The following KYNU variants were observed in gnomAD, a reference collection of about 807,000 sequenced individuals.
KYNU encodes the protein kynureninase, also known as L-kynurenine hydrolase.
Under a neutral mutation model 59.2 loss-of-function variants are expected in KYNU, and 54 were observed. That is an observed-to-expected ratio of 0.91 (90% CI 0.73 to 1.14). The LOEUF (loss-of-function observed/expected upper bound fraction) is 1.14. Among genes scored for constraint, KYNU ranks in the 50% most tolerant of loss-of-function variants. The pLI is 0.00. For synonymous variants in KYNU, 177 were observed against 192.0 expected, an observed-to-expected ratio of 0.92 and a Z score of 0.65; for missense variants, 567 against 554.4, an observed-to-expected ratio of 1.02 and a Z score of -0.23.
At chr2:143,007,665 G>C (rs1165182895) in intron 10 of KYNU, among the ~76,000 whole-genome samples, 2 of 116,394 alleles carry the variant, frequency 1.7e-5, no homozygotes, top group Non-Finnish European at 3.4e-5. Flanking sequence ...GAGAAAGGTC[G>C]GGTTACCGTC....
At chr2:142,909,205 G>A (rs1225642427) in intron 2 of KYNU, among the ~76,000 whole-genome samples, 1 of 149,348 alleles carries the variant, frequency 6.7e-6, no homozygotes, top group Non-Finnish European at 1.5e-5. Context: ...ATCCATATTT[G>A]TAGAAGATAT....
In KYNU at chr2:142,998,530, G is replaced by A. The variant is rs559596822; in HGVS notation, c.902+12509G>A. 1.1e-4 allele frequency among the ~76,000 whole-genome samples: 16 copies of A among 152,160 alleles called. No individual in the cohort carries two copies. The South Asian group carries it at 1.7e-3, about 16-fold the overall frequency. ...TGCTTTTTAAAAGGTTTTAAACAGC[G>A]CTTATTTCTGTTTGTAAAGACTTGA... On this transcript the variant is annotated intron_variant, in intron 10 of 13. Transcript: ENST00000264170.
At chr2:142,966,732 T>C (rs1684552217) in intron 8 of KYNU, among the ~76,000 whole-genome samples, 1 of 152,132 alleles carries the variant, frequency 6.6e-6, no homozygotes, top group African/African-American at 2.4e-5. Context: ...AGGAAAATAA[T>C]CGTGCCAACT....
intron 4 of KYNU, among the ~76,000 whole-genome samples, chr2:142,949,292 G>A (rs908762520): frequency 6.6e-6 from 1 of 152,176 alleles, no homozygotes; most frequent in African/African-American, 2.4e-5. Context: ...GAGGACAGTG[G>A]CCCTCTTCTC....
chr2:142,995,043 A>T (rs1404597857), intron 10 of KYNU, among the ~76,000 whole-genome samples: 1 of 152,108 alleles, frequency 6.6e-6, no homozygotes, highest in Non-Finnish European at 1.5e-5. Context: ...TAAAGTCCTA[A>T]ATCTAGAAAA....
chr2:143,022,791 T>C (rs1020123539), intron 10 of KYNU, among the ~76,000 whole-genome samples: 1 of 151,994 alleles, frequency 6.6e-6, no homozygotes, highest in Non-Finnish European at 1.5e-5. Flanking sequence ...ATTTAAGCAA[T>C]GTCTCTTTTA....
At chr2:142,959,828 GT>G (rs1684282097) in intron 7 of KYNU, among the ~76,000 whole-genome samples, 2 of 152,166 alleles carry the variant, frequency 1.3e-5, no homozygotes, top group South Asian at 4.1e-4. Flanking sequence ...CTTTAGATTA[GT>G]TTGGAGGAGA....
chr2:142,902,724 G>A (rs1013335118), intron 2 of KYNU, among the ~76,000 whole-genome samples: 3 of 152,184 alleles, frequency 2.0e-5, no homozygotes, highest in African/African-American at 7.2e-5. Context: ...GATGGCACAA[G>A]GTTTTTTCAA....
At chr2:143,000,442 T>C (rs1685678307) in intron 10 of KYNU, among the ~76,000 whole-genome samples, 2 of 152,220 alleles carry the variant, frequency 1.3e-5, no homozygotes, top group South Asian at 4.1e-4. Flanking sequence ...CTTACTCTTA[T>C]TGAGGTCAAA....
intron 2 of KYNU, among the ~76,000 whole-genome samples, chr2:142,911,711 G>A (rs1408285225): frequency 6.6e-6 from 1 of 152,102 alleles, no homozygotes; most frequent in African/African-American, 2.4e-5. Context: ...TTGTTTTGCG[G>A]TATGTTCCTT....
At chr2:142,947,994 C>T (rs1453676326) in intron 4 of KYNU, 1 of 152,116 alleles carries the variant, frequency 6.6e-6, no homozygotes, top group Non-Finnish European at 1.5e-5. Context: ...GAGTAGTTGC[C>T]TCTATTTTCT....
rs1264801040 is a variant in KYNU, at chr2:143,046,001, A to G, written c.*3829A>G. On this transcript the variant is annotated 3_prime_UTR_variant, in exon 14 of 14. Coordinates refer to ENST00000264170, the MANE Select transcript of KYNU (RefSeq NM_003937.3). The stretch of plus-strand genomic sequence containing the variant: ...TTGGAAGGTGCTCATAAGTTTATAA[A>G]TGTTCTAAAATATTTCATGCTAATC... 6.6e-6 allele frequency: 1 copy of G among 152,202 alleles called. No individual in the cohort carries two copies. Among genetic ancestry groups the G allele is most frequent in the Non-Finnish European group, 1.5e-5 (1 of 68,028 alleles). The allele number at this position is 152,202 out of a possible 1,614,324, so 9.4% of individuals were successfully genotyped here.
intron 10 of KYNU, among the ~76,000 whole-genome samples, chr2:143,005,831 C>T (rs1175041059): frequency 6.6e-6 from 1 of 151,958 alleles, no homozygotes; most frequent in Admixed American, 6.6e-5. Flanking sequence ...TTTACAAAGA[C>T]CAGTCTGAAT....
At chr2:143,012,063 T>TAAA (rs761883397) in intron 10 of KYNU, among the ~76,000 whole-genome samples, 2 of 126,840 alleles carry the variant, frequency 1.6e-5, no homozygotes, top group Admixed American at 1.6e-4. Flanking sequence ...TAAAGTATAA[T>TAAA]AAAAAAAAAA....
chr2:142,947,322 C>T, intron 4 of KYNU: 1 of 1,204,502 alleles, frequency 8.3e-7, no homozygotes, highest in Non-Finnish European at 1.1e-6. Flanking sequence ...AGAAGCATTC[C>T]ATTTTTTCTA....
chr2:142,942,566 T>C (rs893861521), intron 4 of KYNU, among the ~76,000 whole-genome samples: 4 of 152,206 alleles, frequency 2.6e-5, no homozygotes, highest in African/African-American at 4.8e-5. Context: ...CAAATCCATA[T>C]GGGTCTGCAG....
intron 1 of KYNU, 36 bp from the exon 2 acceptor site, chr2:142,885,313 A>G: frequency 6.4e-7 from 1 of 1,563,944 alleles, no homozygotes; most frequent in South Asian, 1.1e-5. Context: ...CAGGAAAATT[A>G]TGGTGGCTAG....
At chr2:142,991,865 T>G (rs1309080163) in intron 10 of KYNU, among the ~76,000 whole-genome samples, 1 of 151,902 alleles carries the variant, frequency 6.6e-6, no homozygotes, top group Non-Finnish European at 1.5e-5. Context: ...TTCATCTGAT[T>G]GCAAATTGCA....
intron 10 of KYNU, chr2:142,988,824 A>T (rs113112031): frequency 7.1e-6 from 11 of 1,558,144 alleles, no homozygotes; most frequent in Non-Finnish European, 9.7e-6. Context: ...AGTATCTTAT[A>T]TTGTACTTCA....
Sources: gnomAD v4.1 joint callset for allele counts (sites outside exome capture counted in the v4.1 genomes callset) on GRCh38, gnomAD v4.1.1 for gene constraint, MANE v1.5 for transcripts, NCBI Gene and HGNC (gene_info 2026-07-23, HGNC 2026-07-21) for gene names.